The following DAB1 variants were observed in gnomAD, a reference collection of about 807,000 sequenced individuals.
The protein encoded by DAB1 is disabled homolog 1.
Under a neutral mutation model 64.6 loss-of-function variants are expected in DAB1, and 15 were observed. The ratio of observed to expected loss-of-function variants is 0.23; its 90% CI spans 0.16 to 0.36. The LOEUF (loss-of-function observed/expected upper bound fraction) is 0.36, where lower values mean the gene tolerates loss of function less well. Among genes scored for constraint, DAB1 ranks in the 10% least tolerant of loss-of-function variants. DAB1 has a pLI of 1.00. For missense variants in DAB1, 596 were observed against 706.7 expected (o/e 0.84, Z 1.78); for synonymous variants, 235 against 251.9 (o/e 0.93, Z 0.64).
intron 7 of DAB1, among the ~76,000 whole-genome samples, chr1:57,436,247 C>T (rs1273990523): frequency 6.6e-6 from 1 of 152,100 alleles, no homozygotes; most frequent in Non-Finnish European, 1.5e-5. Flanking sequence ...GGACAGCTAG[C>T]TCAGTAAGTT....
chr1:57,179,331 T>C (rs1662664622), intron 2 of DAB1, among the ~76,000 whole-genome samples: 1 of 152,082 alleles, frequency 6.6e-6, no homozygotes, highest in Admixed American at 6.6e-5. Context: ...CTACTAAACA[T>C]CTCCGTGACT....
At chr1:58,499,390 T>A (rs1281773779) in intron 3 of DAB1, among the ~76,000 whole-genome samples, 1 of 139,376 alleles carries the variant, frequency 7.2e-6, no homozygotes, top group African/African-American at 2.7e-5. Context: ...GAGGCTGAAG[T>A]GGGAAAATTG....
At chr1:57,142,977 A>G (rs1222937633) in intron 3 of DAB1, among the ~76,000 whole-genome samples, 1 of 152,200 alleles carries the variant, frequency 6.6e-6, no homozygotes, top group African/African-American at 2.4e-5. Flanking sequence ...TTCAGCAATA[A>G]TCAAGATCTT....
chr1:57,478,696 G>A (rs548570166), intron 7 of DAB1, among the ~76,000 whole-genome samples: 2 of 147,448 alleles, frequency 1.4e-5, no homozygotes, highest in Admixed American at 6.9e-5. Context: ...GGGTTCAAGC[G>A]ATTCTCCTGC....
At chr1:57,217,501 C>T (rs1007795401) in intron 2 of DAB1, among the ~76,000 whole-genome samples, 7 of 152,026 alleles carry the variant, frequency 4.6e-5, no homozygotes, top group South Asian at 4.2e-4. Flanking sequence ...AAAAAGAAAA[C>T]GAACACAAAT....
intron 6 of DAB1, among the ~76,000 whole-genome samples, chr1:57,763,952 A>G (rs1649197719): frequency 6.6e-6 from 1 of 152,200 alleles, no homozygotes; most frequent in Admixed American, 6.5e-5. Context: ...AACTACAAAT[A>G]GTTTGTCTAT....
intron 1 of DAB1, among the ~76,000 whole-genome samples, chr1:57,393,235 T>C (rs79106386): frequency 0.014 from 2,148 of 152,312 alleles, 36 homozygotes; most frequent in African/African-American, 0.041. Flanking sequence ...GACAGCTAAA[T>C]GAGCATTTAG....
At chr1:57,371,821 G>T (rs1680521487) in intron 1 of DAB1, among the ~76,000 whole-genome samples, 1 of 152,208 alleles carries the variant, frequency 6.6e-6, no homozygotes, top group African/African-American at 2.4e-5. Flanking sequence ...CACCCCAGGG[G>T]ACAATGTTTT....
chr1:57,357,080 T>C (rs1424462), intron 1 of DAB1, among the ~76,000 whole-genome samples: 75,914 of 151,908 alleles, frequency 0.5, 19,698 homozygotes, highest in African/African-American at 0.55. Context: ...ACACAGTACA[T>C]GTTCAACACA....
At chr1:57,405,864 C>T (rs554315282) in intron 1 of DAB1, among the ~76,000 whole-genome samples, 2 of 152,152 alleles carry the variant, frequency 1.3e-5, no homozygotes, top group Non-Finnish European at 2.9e-5. Flanking sequence ...TCTTTGACCC[C>T]AGGCAATAGG....
intron 12 of DAB1, among the ~76,000 whole-genome samples, chr1:57,013,802 C>T (rs149311711): frequency 6.6e-6 from 1 of 152,122 alleles, no homozygotes; most frequent in Non-Finnish European, 1.5e-5. Context: ...TACATGTGCT[C>T]AAGTGTATCT....
chr1:57,713,641 A>C (rs1388747196), intron 6 of DAB1, among the ~76,000 whole-genome samples: 2 of 152,202 alleles, frequency 1.3e-5, no homozygotes, highest in African/African-American at 4.8e-5. Flanking sequence ...GAATACTACA[A>C]ATCCCATCAA....
chr1:57,470,186 T>C (rs1460207573), intron 7 of DAB1, among the ~76,000 whole-genome samples: 2 of 152,212 alleles, frequency 1.3e-5, no homozygotes, highest in Admixed American at 1.3e-4. Context: ...GCTGGAGAAA[T>C]GAGCTGTTTC....
chr1:57,866,463 G>C (rs1033085722), intron 1 of DAB1: 1 of 152,152 alleles, frequency 6.6e-6, no homozygotes, highest in Non-Finnish European at 1.5e-5. Flanking sequence ...TGTATCTGTA[G>C]TTTGTCATTC....
rs1658379938 is a variant in DAB1 at position 57,139,259 on chromosome 1, GAGA to G, written c.208-2621_208-2619del. Among the ~76,000 whole-genome samples the G allele has an allele frequency of 2.6e-5, 4 of 152,114 alleles. No individual in the cohort carries two copies. In the South Asian group the frequency reaches 8.3e-4, roughly 32 times the overall value. On this transcript the variant is annotated intron_variant, in intron 3 of 14. Transcript: ENST00000371236. The stretch of plus-strand genomic sequence containing the variant: ...TTAGCGTTCTTATAAAAAGGCTTCA[GAGA>G]AGGAGTTCATTCCCCTTTCTGCCCT...
At chr1:57,778,970 A>T (rs1214176170) in intron 6 of DAB1, among the ~76,000 whole-genome samples, 1 of 150,600 alleles carries the variant, frequency 6.6e-6, no homozygotes, top group Non-Finnish European at 1.5e-5. Flanking sequence ...CCTTCACTCC[A>T]CAAATATTCT....
At chr1:57,377,281 A>AAAAAAAG (rs1553174561) in intron 1 of DAB1, among the ~76,000 whole-genome samples, 1 of 146,498 alleles carries the variant, frequency 6.8e-6, no homozygotes, top group African/African-American at 2.5e-5. Context: ...AAAAAAAAAA[A>AAAAAAAG]AAAAGAAAAG....
At chr1:57,347,558 C>A (rs1213544163) in intron 1 of DAB1, among the ~76,000 whole-genome samples, 1 of 152,128 alleles carries the variant, frequency 6.6e-6, no homozygotes, top group Admixed American at 6.5e-5. Context: ...GGGTTCAGAG[C>A]CCCCAGCATC....
At chr1:58,207,312 G>C (rs1041276022) in intron 4 of DAB1, among the ~76,000 whole-genome samples, 1 of 152,224 alleles carries the variant, frequency 6.6e-6, no homozygotes, top group Non-Finnish European at 1.5e-5. Context: ...ACGGAGGTTA[G>C]AGTGGAAGTA....
Sources: gnomAD v4.1 joint callset for allele counts (sites outside exome capture counted in the v4.1 genomes callset) on GRCh38, gnomAD v4.1.1 for gene constraint, MANE v1.5 for transcripts, NCBI Gene and HGNC (gene_info 2026-07-23, HGNC 2026-07-21) for gene names.